The following MIER1 variants were observed in gnomAD, a reference collection of about 807,000 sequenced individuals.
The protein encoded by MIER1 is mesoderm induction early response protein 1.
A neutral mutation model predicts 75.7 loss-of-function variants in MIER1; 40 were observed. That is an observed-to-expected ratio of 0.53 (90% CI 0.41 to 0.69). The LOEUF (loss-of-function observed/expected upper bound fraction) is 0.69. Ranked by LOEUF, MIER1 falls within the 30% of genes least tolerant of loss-of-function variation. The probability of loss-of-function intolerance (pLI) is 0.00; values close to 1 mark genes in which losing one functional copy is unlikely to be tolerated. For synonymous variants in MIER1, 213 were observed against 223.4 expected (o/e 0.95, Z 0.42); for missense variants, 574 against 680.2 (o/e 0.84, Z 1.74).
chr1:66,930,380 A>G (rs1296232697), intron 2 of MIER1: 2 of 1,608,062 alleles, frequency 1.2e-6, no homozygotes, highest in Non-Finnish European at 1.7e-6. Context: ...GTGACCCGGC[A>G]GTACGGCAAA....
intron 12 of MIER1, among the ~76,000 whole-genome samples, 153 bp from the exon 13 acceptor site, chr1:66,981,626 A>C (rs1665903709): frequency 6.6e-6 from 1 of 152,216 alleles, no homozygotes; most frequent in African/African-American, 2.4e-5. Flanking sequence ...TTTTCATTTA[A>C]ATATTCAGAT....
chr1:66,959,201 G>A (rs1055477310), intron 6 of MIER1, among the ~76,000 whole-genome samples: 7 of 152,002 alleles, frequency 4.6e-5, no homozygotes, highest in African/African-American at 1.7e-4. Context: ...GACTTTGGGT[G>A]TATTTGTTTT....
chr1:66,973,419 C>T (rs996795145), intron 11 of MIER1, among the ~76,000 whole-genome samples: 9 of 152,132 alleles, frequency 5.9e-5, no homozygotes, highest in African/African-American at 1.9e-4. Flanking sequence ...GGTCTAAAAT[C>T]AAATACTTAA....
chr1:66,955,628 A>G (rs66773274), intron 4 of MIER1, among the ~76,000 whole-genome samples: 11,548 of 152,194 alleles, frequency 0.076, 552 homozygotes, highest in African/African-American at 0.13. Context: ...TAGTTATAAC[A>G]CAGTTATAAA....
At chr1:66,943,990 AT>A (rs5774850) in intron 3 of MIER1, among the ~76,000 whole-genome samples, 116,496 of 149,330 alleles carry the variant, frequency 0.78, 45,521 homozygotes, top group East Asian at 0.87. Flanking sequence ...TTGAGTTTTT[AT>A]TTTTTTTTTT....
Position 66,976,590 on chromosome 1 carries a change from T to TAA in MIER1, c.1102-4_1102-3insAA, listed in dbSNP as rs1329319123. 1 of 1,563,190 alleles carries TAA rather than the reference T, an allele frequency of 6.4e-7. No homozygotes were observed. The highest frequency in any genetic ancestry group is 8.6e-7 in the Non-Finnish European group (1 of 1,157,326). On this transcript the variant is annotated splice_polypyrimidine_tract_variant and splice_region_variant and intron_variant, in intron 11 of 13. Transcript: ENST00000401041. ...TTCTTAAAAGCAAGCATTTGTTTCT[T>TAA]ACAGGTCCGAACAAGGTCAGTTGGT...
chr1:66,946,511 C>T, intron 4 of MIER1: 1 of 1,247,838 alleles, frequency 8.0e-7, no homozygotes, highest in Non-Finnish European at 1.0e-6. Flanking sequence ...CACATAGTTA[C>T]TTTGGTAAAA....
At chr1:66,957,055 TCTGA>T (rs1185620353) in intron 4 of MIER1, among the ~76,000 whole-genome samples, 1 of 152,224 alleles carries the variant, frequency 6.6e-6, no homozygotes, top group Non-Finnish European at 1.5e-5. Context: ...CTGATTGTTT[TCTGA>T]CTGTTTTGCT....
intron 7 of MIER1, among the ~76,000 whole-genome samples, chr1:66,961,990 GGA>G (rs1223817978): frequency 1.3e-5 from 2 of 152,194 alleles, no homozygotes; most frequent in Non-Finnish European, 2.9e-5. Context: ...AACAATAGCA[GGA>G]GAGAGACTTT....
intron 4 of MIER1, among the ~76,000 whole-genome samples, chr1:66,949,276 A>G (rs1337952140): frequency 6.6e-6 from 1 of 152,024 alleles, no homozygotes; most frequent in African/African-American, 2.4e-5. Context: ...TTTTTTTTCT[A>G]TTTCAGAAAA....
At chr1:66,983,490 C>T (rs1666296037) in intron 13 of MIER1, among the ~76,000 whole-genome samples, 1 of 152,068 alleles carries the variant, frequency 6.6e-6, no homozygotes, top group Non-Finnish European at 1.5e-5. Context: ...CTTCTTATCA[C>T]CAAAATTTGC....
intron 5 of MIER1, 91 bp from the exon 6 acceptor site, chr1:66,958,760 G>A: frequency 9.4e-7 from 1 of 1,060,386 alleles, no homozygotes; most frequent in Non-Finnish European, 1.4e-6. Context: ...TTAGTCTTCT[G>A]CATATATTAG....
chr1:66,957,456 A>G (rs1176234120), intron 4 of MIER1, among the ~76,000 whole-genome samples: 1 of 152,162 alleles, frequency 6.6e-6, no homozygotes, highest in East Asian at 1.9e-4. Context: ...GAAATAATAT[A>G]ACAAGTCCGT....
chr1:66,975,476 G>A (rs1484533153), intron 11 of MIER1, among the ~76,000 whole-genome samples: 1 of 151,900 alleles, frequency 6.6e-6, no homozygotes, highest in Admixed American at 6.6e-5. Flanking sequence ...GCAGTTAGCG[G>A]TTTGGTGCCA....
chr1:66,954,277 T>C (rs1171551093), intron 4 of MIER1, among the ~76,000 whole-genome samples: 1 of 152,228 alleles, frequency 6.6e-6, no homozygotes, highest in Non-Finnish European at 1.5e-5. Flanking sequence ...CCCTAAATAC[T>C]TCCAGAGTGT....
At chr1:66,959,368 C>T (rs1660784278) in intron 6 of MIER1, among the ~76,000 whole-genome samples, 1 of 151,992 alleles carries the variant, frequency 6.6e-6, no homozygotes, top group African/African-American at 2.4e-5. Context: ...GGAAGAAAAA[C>T]ACTTGAAGAA....
rs762541860 is a variant in MIER1, at chr1:66,926,231, G to A, written c.157G>A (p.Asp53Asn). ...GTTGAGGTTCAATGCAGACAAGACG[G>A]ATGTGATGCTGGTAGGCAGGGGTAC... ...NWLRFNADKT[D>N]VMLPSVESSS... Residue 53 changes from aspartate (D) to asparagine (N), a missense_variant, in exon 2 of 14, where the codon GAT becomes AAT. Transcript: ENST00000401041. The A allele has an allele frequency of 1.7e-5, 28 of 1,612,904 alleles. No homozygotes were observed. In the East Asian group the frequency reaches 6.2e-4, roughly 36 times the overall value.
chr1:66,949,889 G>T (rs1406815974), intron 4 of MIER1, among the ~76,000 whole-genome samples: 1 of 151,252 alleles, frequency 6.6e-6, no homozygotes, highest in Admixed American at 6.6e-5. Flanking sequence ...TGTATAGCAT[G>T]TGGTTTTAAG....
rs148625415 is a variant in MIER1, at chr1:66,953,818, G to A, written c.340-4241G>A. Among the ~76,000 whole-genome samples, 532 of 151,934 alleles carry A rather than the reference G, an allele frequency of 3.5e-3. 3 individuals are homozygous for A. The highest frequency in any genetic ancestry group is 0.012 in the African/African-American group (509 of 41,448). Reference sequence around the variant, plus strand: ...GGGGTTCCACCATGTTGGCCAGGCCGGTCTTGAACTCCTGATCTCAAGTGA... The same window carrying A: ...GGGGTTCCACCATGTTGGCCAGGCCAGTCTTGAACTCCTGATCTCAAGTGA... On this transcript the variant is annotated intron_variant, in intron 4 of 13. Coordinates refer to ENST00000401041, the MANE Select transcript of MIER1 (RefSeq NM_001077700.3).
Sources: allele counts gnomAD v4.1 joint callset (sites outside exome capture counted in the v4.1 genomes callset), GRCh38; gene constraint gnomAD v4.1.1; transcripts MANE v1.5; gene names NCBI Gene and HGNC (gene_info 2026-07-23, HGNC 2026-07-21).